The following CTNNA3 variants were observed in gnomAD, a reference collection of about 807,000 sequenced individuals.
CTNNA3 encodes the protein catenin alpha-3.
A neutral mutation model predicts 95.7 loss-of-function variants in CTNNA3; 76 were observed. The observed-to-expected ratio is 0.79, with a 90% CI of 0.66 to 0.96. The LOEUF (loss-of-function observed/expected upper bound fraction) is 0.96, where lower values mean the gene tolerates loss of function less well. Among genes scored for constraint, CTNNA3 ranks in the 40% least tolerant of loss-of-function variants. The pLI, the probability that CTNNA3 is intolerant of heterozygous loss-of-function variation, is 0.00. For synonymous variants in CTNNA3, 431 were observed against 374.4 expected (o/e 1.15, Z -1.74); for missense variants, 1,191 against 1,089.8 (o/e 1.09, Z -1.31).
At chr10:66,419,575 T>C (rs2093174835) in intron 11 of CTNNA3, among the ~76,000 whole-genome samples, 2 of 152,056 alleles carry the variant, frequency 1.3e-5, no homozygotes, top group Non-Finnish European at 2.9e-5. Flanking sequence ...ATAACCAGAA[T>C]ATCCAAAGCA....
chr10:66,233,019 G>A (rs370889494), intron 13 of CTNNA3, among the ~76,000 whole-genome samples: 2 of 151,814 alleles, frequency 1.3e-5, no homozygotes, highest in Non-Finnish European at 2.9e-5. Flanking sequence ...AATTAGCCGG[G>A]CGTGGTGGTG....
intron 13 of CTNNA3, among the ~76,000 whole-genome samples, chr10:66,161,688 T>A (rs536389297): frequency 6.6e-6 from 1 of 152,220 alleles, no homozygotes; most frequent in Non-Finnish European, 1.5e-5. Context: ...GGCAATGATC[T>A]TTTTACGATG....
At chr10:67,760,910 T>C (rs572400478) in intron 1 of CTNNA3, among the ~76,000 whole-genome samples, 1 of 152,306 alleles carries the variant, frequency 6.6e-6, no homozygotes, top group Admixed American at 6.5e-5. Flanking sequence ...TGGTGAGCTG[T>C]GTATTTCATT....
intron 2 of CTNNA3, among the ~76,000 whole-genome samples, chr10:67,631,014 T>G (rs890048225): frequency 6.6e-6 from 1 of 152,212 alleles, no homozygotes; most frequent in Non-Finnish European, 1.5e-5. Flanking sequence ...TCAGAGAGTA[T>G]ACAACATAGA....
intron 9 of CTNNA3, among the ~76,000 whole-genome samples, chr10:66,750,090 C>A (rs1433125097): frequency 1.3e-5 from 2 of 152,042 alleles, no homozygotes. Context: ...TTTAAGAGTA[C>A]TTTGTACATT....
At chr10:66,254,846 C>T (rs936196970) in intron 13 of CTNNA3, among the ~76,000 whole-genome samples, 4 of 152,108 alleles carry the variant, frequency 2.6e-5, no homozygotes, top group African/African-American at 9.7e-5. Context: ...CCCTTGGGGC[C>T]GAGAAACTGG....
At chr10:67,257,412 T>G (rs1008327724) in intron 5 of CTNNA3, among the ~76,000 whole-genome samples, 2 of 152,254 alleles carry the variant, frequency 1.3e-5, no homozygotes, top group Non-Finnish European at 2.9e-5. Context: ...ACATTAATTT[T>G]CTCACATTAT....
chr10:66,897,253 G>GATGTGTGTGTGT (rs1288010536), intron 7 of CTNNA3, among the ~76,000 whole-genome samples: 139 of 152,028 alleles, frequency 9.1e-4, no homozygotes, highest in African/African-American at 3.1e-3. Context: ...AAAATATAAA[G>GATGTGTGTGTGT]ATGTGTGTGT....
At chr10:67,645,190 C>T (rs551031757) in intron 2 of CTNNA3, among the ~76,000 whole-genome samples, 108 of 145,468 alleles carry the variant, frequency 7.4e-4, no homozygotes, top group African/African-American at 2.8e-3. Flanking sequence ...TGTGCACGTG[C>T]GCGCACACAC....
At chr10:65,921,852 C>T (rs890913424) in intron 17 of CTNNA3, among the ~76,000 whole-genome samples, 5 of 152,134 alleles carry the variant, frequency 3.3e-5, no homozygotes, top group Admixed American at 3.3e-4. Context: ...GGATGTTGGT[C>T]CTGCACAAAA....
At chr10:66,650,223 G>A (rs1213080993) in intron 9 of CTNNA3, among the ~76,000 whole-genome samples, 1 of 152,140 alleles carries the variant, frequency 6.6e-6, no homozygotes, top group African/African-American at 2.4e-5. Flanking sequence ...AAGAGCTTAA[G>A]AACCCATGTG....
At chr10:66,462,049 A>T (rs1379340302) in intron 11 of CTNNA3, among the ~76,000 whole-genome samples, 1 of 151,880 alleles carries the variant, frequency 6.6e-6, no homozygotes, top group Non-Finnish European at 1.5e-5. Context: ...CTACCTTGTG[A>T]TCCACCCACC....
chr10:67,612,674 T>C (rs1209186017), intron 2 of CTNNA3, among the ~76,000 whole-genome samples: 1 of 152,124 alleles, frequency 6.6e-6, no homozygotes, highest in Non-Finnish European at 1.5e-5. Flanking sequence ...ATGCCCAAAG[T>C]AGAGAAGCCT....
intron 1 of CTNNA3, among the ~76,000 whole-genome samples, chr10:67,653,990 G>A (rs1331300473): frequency 1.3e-5 from 2 of 152,184 alleles, no homozygotes; most frequent in East Asian, 1.9e-4. Flanking sequence ...ATACCTGAGA[G>A]GTAGCCAAAA....
intron 7 of CTNNA3, among the ~76,000 whole-genome samples, chr10:66,909,496 C>A (rs968553848): frequency 2.1e-5 from 3 of 142,488 alleles, no homozygotes; most frequent in Admixed American, 7.6e-5. Flanking sequence ...GCAACAAGAC[C>A]AAAACTCCAT....
rs769509639 is a variant in CTNNA3, at chr10:67,269,399, G to T, written c.580-49529C>A. Among the ~76,000 whole-genome samples the T allele has an allele frequency of 2.8e-4, 42 of 152,132 alleles. 1 individual carries two copies. The highest frequency in any genetic ancestry group is 3.4e-3 in the Middle Eastern group (1 of 294). ...TAAATAGCTAGACATACATTTTGAG[G>T]ATTATTATTCTCAAGCACTGTGTAC... On this transcript the variant is annotated intron_variant, in intron 5 of 17. Coordinates refer to ENST00000433211, the MANE Select transcript of CTNNA3 (RefSeq NM_013266.4).
intron 6 of CTNNA3, among the ~76,000 whole-genome samples, chr10:67,211,885 C>T (rs1014222710): frequency 6.6e-6 from 1 of 152,014 alleles, no homozygotes; most frequent in Non-Finnish European, 1.5e-5. Context: ...CTATAAAGTA[C>T]ACAATAACTC....
intron 11 of CTNNA3, among the ~76,000 whole-genome samples, chr10:66,493,324 G>A (rs1445482175): frequency 6.6e-6 from 1 of 152,156 alleles, no homozygotes; most frequent in Non-Finnish European, 1.5e-5. Context: ...ATGCAGGACA[G>A]ACCAAAGAGA....
chr10:66,750,810 T>A (rs897101140), intron 9 of CTNNA3, among the ~76,000 whole-genome samples: 4 of 152,210 alleles, frequency 2.6e-5, no homozygotes, highest in Non-Finnish European at 5.9e-5. Flanking sequence ...AGAAGTGACA[T>A]GTTTGACAAT....
Sources: gnomAD v4.1 joint callset for allele counts (sites outside exome capture counted in the v4.1 genomes callset) on GRCh38, gnomAD v4.1.1 for gene constraint, MANE v1.5 for transcripts, NCBI Gene and HGNC (gene_info 2026-07-23, HGNC 2026-07-21) for gene names.